CRLF2: variants seen among roughly 807,000 people sequenced by gnomAD.
The protein encoded by CRLF2 is cytokine receptor-like factor 2.
CRLF2 carries 41 observed loss-of-function variants against 38.7 expected under a neutral mutation model. The ratio of observed to expected loss-of-function variants is 1.06; its 90% CI spans 0.83 to 1.37. The LOEUF (loss-of-function observed/expected upper bound fraction) is 1.37. CRLF2 is among the 40% of genes most tolerant of loss of function. The pLI is 0.00. For synonymous variants in CRLF2, 140 were observed against 128.8 expected (o/e 1.09, Z -0.59); for missense variants, 377 against 322.2 (o/e 1.17, Z -1.30).
intron 6 of CRLF2, among the ~76,000 whole-genome samples, chrX:1,194,972 C>T (rs1252951381): frequency 0.21 from 32,333 of 151,818 alleles, 3,532 homozygotes; most frequent in Admixed American, 0.26. Flanking sequence ...GCGGAGGTGG[C>T]AGTGAGCCGA....
At chrX:1,197,980 C>T (rs1402290959) in intron 5 of CRLF2, among the ~76,000 whole-genome samples, 1 of 151,910 alleles carries the variant, frequency 6.6e-6, no homozygotes, top group Non-Finnish European at 1.5e-5. Context: ...CCAGCCTGGG[C>T]ACCATGAGAA....
intron 3 of CRLF2, among the ~76,000 whole-genome samples, chrX:1,204,089 C>T (rs1224278521): frequency 6.7e-5 from 1 of 14,842 alleles, no homozygotes. Context: ...CCCTCTCTCT[C>T]AAAAAAAAGA....
chrX:1,198,629 T>C lies in CRLF2; in HGVS notation c.579A>G (p.Val193=). The C allele has an allele frequency of 6.2e-7, 1 of 1,613,638 alleles. No homozygotes were observed. Among genetic ancestry groups the C allele is most frequent in the Non-Finnish European group, 8.5e-7 (1 of 1,179,680 alleles). The part of the protein sequence containing the change: ...FWVRVKAMED[V]YGPDTYPSDW... ...CGCTTGGGTATGTGTCTGGCCCATA[T>C]ACATCCTCCATAGCCTTCACCCTGA... Residue 193 remains valine, a synonymous_variant, in exon 5 of 8, where the codon GTA becomes GTG. Transcript: ENST00000400841.
At chrX:1,205,088 T>G (rs1329654436) in intron 3 of CRLF2, among the ~76,000 whole-genome samples, 1 of 151,910 alleles carries the variant, frequency 6.6e-6, no homozygotes. Flanking sequence ...TGGCCTCCCA[T>G]AGTGCTGGGA....
In CRLF2 at chrX:1,198,705, C is replaced by G; in HGVS notation, c.503G>C (p.Cys168Ser). The change falls in exon 5 of 8, where the codon TGC becomes TCC. Residue 168 changes from cysteine (C) to serine (S), a missense_variant. Cys to Ser is a moderately radical substitution (Grantham distance 112). Coordinates refer to ENST00000400841, the MANE Select transcript of CRLF2 (RefSeq NM_022148.4). The stretch of plus-strand genomic sequence containing the variant: ...ATCCAAGCCTTCTATGGTGACGTTG[C>G]AGGTATTTTCCTGTTTGGACTGGAG... ...TEWQSKQENTCNVTIEGLDAE... is the reference protein window; with the variant it reads ...TEWQSKQENTSNVTIEGLDAE... The G allele has an allele frequency of 6.3e-7, 1 of 1,592,004 alleles. No homozygotes were observed.
At chrX:1,199,080 C>A in intron 4 of CRLF2, 1 of 398,122 alleles carries the variant, frequency 2.5e-6, no homozygotes, top group Non-Finnish European at 4.9e-6. Flanking sequence ...ACCTGGGAGG[C>A]GAAGGTTGTA....
chrX:1,196,079 T>G (rs1462468021), intron 6 of CRLF2, among the ~76,000 whole-genome samples: 3 of 146,444 alleles, frequency 2.0e-5, no homozygotes, highest in Non-Finnish European at 4.5e-5. Context: ...TGGGGTTTCT[T>G]CATGTTGGCC....
chrX:1,195,205 GAAAT>G (rs1307851114), intron 6 of CRLF2, among the ~76,000 whole-genome samples: 25,029 of 151,432 alleles, frequency 0.17, 2,632 homozygotes, highest in Admixed American at 0.33. Context: ...AATAAATACA[GAAAT>G]AAATAAATCA....
At position 1,207,417 on chromosome X, in the gene CRLF2, G is replaced by A. The variant is rs180724550; in HGVS notation, c.183-818C>T. The stretch of plus-strand genomic sequence containing the variant: ...ATTACAGGCGCACGCCCCCGCGCCC[G>A]GCTAATTTTTTTGTATTTTTAGTAG... On this transcript the variant is annotated intron_variant, in intron 2 of 7. Coordinates refer to ENST00000400841, the MANE Select transcript of CRLF2 (RefSeq NM_022148.4). Among the ~76,000 whole-genome samples the A allele has an allele frequency of 4.6e-5, 7 of 150,980 alleles. No individual in the cohort carries two copies. The East Asian group carries it at 1.4e-3, about 30-fold the overall frequency.
At position 1,208,787 on chromosome X, in the gene CRLF2, C is replaced by A; in HGVS notation, c.182+19G>T. 1 of 1,508,496 alleles carries A rather than the reference C, an allele frequency of 6.6e-7. No individual in the cohort carries two copies. Among genetic ancestry groups the A allele is most frequent in the Non-Finnish European group, 9.2e-7 (1 of 1,084,176 alleles). The allele number at this position is 1,508,496 out of a possible 1,614,324, so 93.4% of individuals were successfully genotyped here. ...TTGAGCCCCCTGGGCGTGGGGTTCG[C>A]TTTCTGGGGGCCACTTACCTGTAGT... On this transcript the variant is annotated intron_variant, in intron 2 of 7. Transcript: ENST00000400841.
chrX:1,198,862 C>A, intron 4 of CRLF2, 138 bp from the exon 5 acceptor site: 1 of 866,862 alleles, frequency 1.2e-6, no homozygotes, highest in Non-Finnish European at 1.8e-6. Context: ...AGAATGGAGC[C>A]GCGAGGCCGG....
chrX:1,196,012 A>G (rs1164587483), intron 6 of CRLF2, among the ~76,000 whole-genome samples: 2 of 142,300 alleles, frequency 1.4e-5, no homozygotes, highest in Non-Finnish European at 3.0e-5. Context: ...ATAATTATAT[A>G]TAAATATAAA....
chrX:1,191,780 C>A (rs1160126758), intron 7 of CRLF2, among the ~76,000 whole-genome samples: 2 of 151,838 alleles, frequency 1.3e-5, no homozygotes, highest in Non-Finnish European at 2.9e-5. Context: ...ATCCACCCGA[C>A]TCGACCTCCC....
intron 7 of CRLF2, among the ~76,000 whole-genome samples, chrX:1,192,020 A>G (rs1458162318): frequency 6.9e-6 from 1 of 144,908 alleles, no homozygotes; most frequent in Non-Finnish European, 1.5e-5. Flanking sequence ...CCCGACTAAC[A>G]TGGTGAAACC....
chrX:1,210,779 TAGAC>T (rs752282293), intron 1 of CRLF2, among the ~76,000 whole-genome samples: 76 of 152,264 alleles, frequency 5.0e-4, no homozygotes, highest in Middle Eastern at 3.4e-3. Context: ...TAGAAATAGT[TAGAC>T]AGACAGACAC....
At chrX:1,209,589 C>A (rs1266118782) in intron 1 of CRLF2, among the ~76,000 whole-genome samples, 3 of 151,994 alleles carry the variant, frequency 2.0e-5, no homozygotes, top group Admixed American at 6.6e-5. Flanking sequence ...CCTCATCCAC[C>A]TAAAGTGCTG....
At chrX:1,195,986 T>C in intron 6 of CRLF2, among the ~76,000 whole-genome samples, 1 of 138,782 alleles carries the variant, frequency 7.2e-6, no homozygotes, top group African/African-American at 2.6e-5. Flanking sequence ...ATATATATTT[T>C]TATATATTTA....
Position 1,198,732 on chromosome X carries a change from A to AAC in CRLF2, c.484-10_484-9dup, listed in dbSNP as rs781912782. 1 of 843,334 alleles carries AAC rather than the reference A, an allele frequency of 1.2e-6. No homozygotes were observed. Among genetic ancestry groups the AAC allele is most frequent in the Admixed American group, 2.6e-5 (1 of 38,704 alleles). 52.2% of individuals were successfully genotyped at this position (843,334 alleles called of 1,614,324 possible). A position where few individuals can be genotyped will look rare whatever the true frequency, so the allele number is the denominator to read the frequency against. On this transcript the variant is annotated splice_polypyrimidine_tract_variant and intron_variant, in intron 4 of 7. Coordinates refer to ENST00000400841, the MANE Select transcript of CRLF2 (RefSeq NM_022148.4). ...GGTATTTTCCTGTTTGGACTGGAGA[A>AAC]ACATACACACACACACACACACACA...
chrX:1,210,126 G>GAA (rs1191614902), intron 1 of CRLF2, among the ~76,000 whole-genome samples: 1 of 67,894 alleles, frequency 1.5e-5, no homozygotes, highest in African/African-American at 6.0e-5. Context: ...GAAAAGAAAA[G>GAA]AAAAGAAAAG....
Sources: gnomAD v4.1 joint callset for allele counts (sites outside exome capture counted in the v4.1 genomes callset) on GRCh38, gnomAD v4.1.1 for gene constraint, MANE v1.5 for transcripts, NCBI Gene and HGNC (gene_info 2026-07-23, HGNC 2026-07-21) for gene names.